Variants in SERINC3 observed in about 807,000 individuals in gnomAD.
SERINC3 encodes the protein serine incorporator 3.
In SERINC3, 22 loss-of-function variants were observed where a neutral mutation model predicts 52.1. That is an observed-to-expected ratio of 0.42 (90% CI 0.30 to 0.60). The LOEUF is 0.60. Among genes scored for constraint, SERINC3 ranks in the 20% least tolerant of loss-of-function variants. The pLI, the probability that SERINC3 is intolerant of heterozygous loss-of-function variation, is 0.16. For missense variants in SERINC3, 564 were observed against 584.6 expected, an observed-to-expected ratio of 0.96 and a Z score of 0.36; for synonymous variants, 226 against 212.7, an observed-to-expected ratio of 1.06 and a Z score of -0.54.
intron 1 of SERINC3, among the ~76,000 whole-genome samples, chr20:44,517,558 A>G (rs898187377): frequency 6.6e-6 from 1 of 151,948 alleles, no homozygotes; most frequent in African/African-American, 2.4e-5. Flanking sequence ...CTACAAGCCA[A>G]GGAACATCAA....
rs1469182294 is a variant in SERINC3, at chr20:44,511,345, G to A, written c.419C>T (p.Ala140Val). 2.5e-6 allele frequency: 4 copies of A among 1,612,768 alleles called. No individual in the cohort carries two copies. In the South Asian group the frequency reaches 3.3e-5, roughly 13 times the overall value. ...AGAGCCAACCATGATTCCAATAAGG[G>A]CAGCAATTTTGAAGAACCAAAACCT... Reference protein sequence around the residue: ...HNGFWFFKIAALIGIMVGSFY... With the variant: ...HNGFWFFKIAVLIGIMVGSFY... Residue 140 changes from alanine (A) to valine (V), a missense_variant, in exon 4 of 10, where the codon GCC becomes GTC. Transcript: ENST00000342374.
intron 1 of SERINC3, among the ~76,000 whole-genome samples, chr20:44,520,300 T>G (rs1426979674): frequency 6.6e-6 from 1 of 152,062 alleles, no homozygotes. Context: ...CCCTTGGAGG[T>G]TGAAGAGAGC....
At chr20:44,508,511 A>C (rs2064328687) in intron 5 of SERINC3, among the ~76,000 whole-genome samples, 1 of 152,190 alleles carries the variant, frequency 6.6e-6, no homozygotes, top group Non-Finnish European at 1.5e-5. Flanking sequence ...AAAAAGAAAA[A>C]AAATAGATAA....
At chr20:44,518,751 G>A (rs1031081007) in intron 1 of SERINC3, among the ~76,000 whole-genome samples, 3 of 152,128 alleles carry the variant, frequency 2.0e-5, no homozygotes, top group African/African-American at 7.2e-5. Flanking sequence ...GATCACCTGA[G>A]GTCGGGAGTT....
At chr20:44,506,580 A>G (rs1356193609) in intron 6 of SERINC3, among the ~76,000 whole-genome samples, 2 of 119,672 alleles carry the variant, frequency 1.7e-5, no homozygotes, top group African/African-American at 3.4e-5. Flanking sequence ...GCGAGACTCC[A>G]TCTCAAAAAA....
intron 1 of SERINC3, among the ~76,000 whole-genome samples, chr20:44,514,996 T>C (rs2064371262): frequency 6.6e-6 from 1 of 152,132 alleles, no homozygotes. Context: ...CTATTTACAA[T>C]CACCAAAATG....
At chr20:44,505,474 C>T (rs1233984192) in intron 6 of SERINC3, among the ~76,000 whole-genome samples, 1 of 150,868 alleles carries the variant, frequency 6.6e-6, no homozygotes, top group Admixed American at 6.6e-5. Context: ...GTGCCCGCCA[C>T]CACACCCGGC....
chr20:44,496,931 T>A (rs1214200427), downstream of SERINC3, among the ~76,000 whole-genome samples: 1 of 152,194 alleles, frequency 6.6e-6, no homozygotes, highest in Admixed American at 6.5e-5. Flanking sequence ...GTTTCTTTGA[T>A]TACCAAGAGA....
intron 1 of SERINC3, among the ~76,000 whole-genome samples, chr20:44,515,191 T>C (rs2064372600): frequency 3.3e-5 from 5 of 152,012 alleles, no homozygotes. Context: ...CCATCTCTAC[T>C]AAAAATACAA....
At position 44,506,930 on chromosome 20, in the gene SERINC3, T is replaced by C. The variant is rs1293475188; in HGVS notation, c.680A>G (p.Tyr227Cys). 6.2e-7 allele frequency: 1 copy of C among 1,613,722 alleles called. No homozygotes were observed. The highest frequency in any genetic ancestry group is 1.1e-5 in the South Asian group (1 of 91,022). The change falls in exon 6 of 10, where the codon TAT becomes TGT. Residue 227 changes from tyrosine to cysteine, a missense_variant. By Grantham distance (194) the Tyr-to-Cys change is radical. Transcript: ENST00000342374. ...SIICVGLLYTYYTKPDGCTEN... is the reference protein window; with the variant it reads ...SIICVGLLYTCYTKPDGCTEN... ...TGTGCAGCCATCTGGTTTGGTGTAATATGTATAGAGCAGCCCGACACAGAT... is the reference window on the plus strand; with the variant it reads ...TGTGCAGCCATCTGGTTTGGTGTAACATGTATAGAGCAGCCCGACACAGAT...
Position 44,501,652 on chromosome 20 carries a change from G to A in SERINC3, c.1056-352C>T, listed in dbSNP as rs2064280818. On this transcript the variant is annotated intron_variant, in intron 8 of 9. Transcript: ENST00000342374. ...TCATCCTTCACTTCTCTGACTTGCT[G>A]TCATGTCCTCTGGAAGGCCTTCCCT... 3.3e-5 allele frequency among the ~76,000 whole-genome samples: 5 copies of A among 152,242 alleles called. No individual in the cohort carries two copies. In the South Asian group the frequency reaches 1.0e-3, roughly 32 times the overall value.
In SERINC3 at chr20:44,499,540, C is replaced by T. The variant is rs941964668; in HGVS notation, c.*756G>A. 2.0e-5 allele frequency: 3 copies of T among 152,312 alleles called. No homozygotes were observed. Among genetic ancestry groups the T allele is most frequent in the Non-Finnish European group, 4.4e-5 (3 of 68,028 alleles). The allele number at this position is 152,312 out of a possible 1,614,324, so 9.4% of individuals were successfully genotyped here. A position where few individuals can be genotyped will look rare whatever the true frequency, so the allele number is the denominator to read the frequency against. ...AGTGCAAATATGATAAATTCACATG[C>T]ATTTTACTTTTACATACTCATAACA... On this transcript the variant is annotated 3_prime_UTR_variant, in exon 10 of 10. Coordinates refer to ENST00000342374, the MANE Select transcript of SERINC3 (RefSeq NM_006811.4).
At position 44,506,937 on chromosome 20, in the gene SERINC3, AGAG is replaced by A; in HGVS notation, c.670_672del (p.Leu224del). 6.2e-7 allele frequency: 1 copy of A among 1,613,318 alleles called. No homozygotes were observed. The stretch of plus-strand genomic sequence containing the variant: ...CCATCTGGTTTGGTGTAATATGTAT[AGAG>A]CAGCCCGACACAGATGATTGACAGG... On this transcript the variant is annotated inframe_deletion, in exon 6 of 10. Coordinates refer to ENST00000342374, the MANE Select transcript of SERINC3 (RefSeq NM_006811.4).
chr20:44,510,037 A>T lies in SERINC3; in HGVS notation c.476-9T>A. On this transcript the variant is annotated splice_polypyrimidine_tract_variant and intron_variant, in intron 4 of 9. Transcript: ENST00000342374. The stretch of plus-strand genomic sequence containing the variant: ...GCCAACAACAAACCAGACTACAAGA[A>T]CCAAGAGAACAAAGTTATTCTCTAC... 1 of 1,613,530 alleles carries T rather than the reference A, an allele frequency of 6.2e-7. No individual in the cohort carries two copies. Among genetic ancestry groups the T allele is most frequent in the Non-Finnish European group, 8.5e-7 (1 of 1,179,468 alleles).
At chr20:44,504,087 G>A in intron 7 of SERINC3, 92 bp from the exon 8 acceptor site, 1 of 1,038,154 alleles carries the variant, frequency 9.6e-7, no homozygotes, top group Non-Finnish European at 1.4e-6. Context: ...ATTCAGTCAT[G>A]ATGTGAAACA....
chr20:44,508,239 T>C (rs2064326885), intron 5 of SERINC3, among the ~76,000 whole-genome samples: 1 of 151,974 alleles, frequency 6.6e-6, no homozygotes, highest in Non-Finnish European at 1.5e-5. Context: ...ATCCTAACAC[T>C]TTGGGAGGGC....
Position 44,501,288 on chromosome 20 carries a change from G to A in SERINC3, c.1068C>T (p.Ser356=). The part of the protein sequence containing the change: ...LCLLYSSIRT[S]TNSQVDKLTL... ...TCAGCTTGTCTACTTGGCTATTAGT[G>A]GAAGTGCGGATGCTGGAAAGTGATC... The change falls in exon 9 of 10, where the codon TCC becomes TCT. Residue 356 remains serine (S), a synonymous_variant. Transcript: ENST00000342374. 6.2e-7 allele frequency: 1 copy of A among 1,614,000 alleles called. No individual in the cohort carries two copies. Among genetic ancestry groups the A allele is most frequent in the South Asian group, 1.1e-5 (1 of 91,062 alleles).
intron 5 of SERINC3, 68 bp from the exon 6 acceptor site, chr20:44,507,064 T>C: frequency 8.3e-7 from 1 of 1,204,916 alleles, no homozygotes; most frequent in Non-Finnish European, 1.1e-6. Context: ...CCAATTTTCT[T>C]CCACTCCATA....
intron 7 of SERINC3, 93 bp downstream of exon 7, chr20:44,504,708 A>G (rs1600810384): frequency 9.7e-7 from 1 of 1,029,866 alleles, no homozygotes; most frequent in Non-Finnish European, 1.5e-6. Context: ...CTTGTTTCAC[A>G]TTTGCTCTAG....
Sources: gnomAD v4.1 joint callset for allele counts (sites outside exome capture counted in the v4.1 genomes callset) on GRCh38, gnomAD v4.1.1 for gene constraint, MANE v1.5 for transcripts, NCBI Gene and HGNC (gene_info 2026-07-23, HGNC 2026-07-21) for gene names.